Variants in PLXNA4 observed in about 807,000 individuals in gnomAD.
PLXNA4 encodes plexin-A4.
PLXNA4 carries 44 observed loss-of-function variants against 191.8 expected under a neutral mutation model. That is an observed-to-expected ratio of 0.23 (90% CI 0.18 to 0.29). PLXNA4 has a LOEUF of 0.29. PLXNA4 is among the 10% of genes least tolerant of loss of function. The pLI is 1.00. For synonymous variants in PLXNA4, 1,082 were observed against 1,009.5 expected (o/e 1.07, Z -1.36); for missense variants, 1,800 against 2,488.8 (o/e 0.72, Z 5.89).
At position 132,127,949 on chromosome 7, in the gene PLXNA4, T is replaced by TC. The variant is rs1794819179; in HGVS notation, c.*2529dup. 1 of 151,042 alleles carries TC rather than the reference T, an allele frequency of 6.6e-6. No individual in the cohort carries two copies. Among genetic ancestry groups the TC allele is most frequent in the Non-Finnish European group, 1.5e-5 (1 of 67,844 alleles). 9.4% of individuals were successfully genotyped at this position (151,042 alleles called of 1,614,324 possible). A position where few individuals can be genotyped will look rare whatever the true frequency, so the allele number is the denominator to read the frequency against. ...CAGCAGAACCGTGATAAGTCTTTTT[T>TC]CTTTTTTTTTTCTGCTTGTTTGATT... On this transcript the variant is annotated 3_prime_UTR_variant, in exon 32 of 32. Coordinates refer to ENST00000321063, the MANE Select transcript of PLXNA4 (RefSeq NM_020911.2).
chr7:132,227,507 T>A lies in PLXNA4; in HGVS notation c.1826A>T (p.Gln609Leu), dbSNP rs2116977473. 1 of 1,614,182 alleles carries A rather than the reference T, an allele frequency of 6.2e-7. No homozygotes were observed. The highest frequency in any genetic ancestry group is 8.5e-7 in the Non-Finnish European group (1 of 1,180,042). The part of the protein sequence containing the change: ...SEMDGLVVGN[Q>L]IQCYSPAAKE... ...GGCTGCAGGGGAGTAGCACTGGATC[T>A]GATTGCCCACGACCAGCCCATCCAT... The change falls in exon 7 of 32, where the codon CAG becomes CTG. Residue 609 changes from glutamine to leucine, a missense_variant. Gln to Leu is a moderately radical substitution (Grantham distance 113, BLOSUM62 -2). Coordinates refer to ENST00000321063, the MANE Select transcript of PLXNA4 (RefSeq NM_020911.2).
intron 25 of PLXNA4, among the ~76,000 whole-genome samples, chr7:132,151,298 A>AAGGAGGAGGAGGAGGAAGGAGG (rs1491294408): frequency 3.2e-5 from 1 of 31,636 alleles, no homozygotes; most frequent in African/African-American, 8.3e-5. Flanking sequence ...GAGGAAGAAG[A>AAGGAGGAGGAGGAGGAAGGAGG]AGGAGGAGGA....
intron 4 of PLXNA4, among the ~76,000 whole-genome samples, chr7:132,270,586 G>A (rs1316279697): frequency 1.3e-5 from 2 of 152,198 alleles, no homozygotes; most frequent in African/African-American, 4.8e-5. Context: ...GTGGGATAGA[G>A]GAATGAGAGC....
Position 132,165,318 on chromosome 7 carries a change from G to A in PLXNA4, c.4287-118C>T, listed in dbSNP as rs78208160. The A allele has an allele frequency of 4.0e-3, 5,596 of 1,404,534 alleles. 179 individuals are homozygous for A. The East Asian group carries it at 0.085, about 21-fold the overall frequency. 87.0% of individuals were successfully genotyped at this position (1,404,534 alleles called of 1,614,324 possible). Reference sequence around the variant, plus strand: ...GTGCATTGATCTTGCTGCTTCTAGCGTTTAGGCCAAACCTTGCGATCCTAA... The same window carrying A: ...GTGCATTGATCTTGCTGCTTCTAGCATTTAGGCCAAACCTTGCGATCCTAA... On this transcript the variant is annotated intron_variant, in intron 22 of 31. Transcript: ENST00000321063.
chr7:132,314,713 T>C (rs1395424143), intron 3 of PLXNA4, among the ~76,000 whole-genome samples: 3 of 152,244 alleles, frequency 2.0e-5, no homozygotes, highest in Non-Finnish European at 1.5e-5. Flanking sequence ...GTCCTGGGTC[T>C]GCACGCTGGA....
chr7:132,221,612 C>A (rs1056469354), intron 9 of PLXNA4, among the ~76,000 whole-genome samples: 3 of 152,180 alleles, frequency 2.0e-5, no homozygotes, highest in Non-Finnish European at 4.4e-5. Flanking sequence ...TCTGACTCAC[C>A]TCATTCTTAT....
intron 3 of PLXNA4, among the ~76,000 whole-genome samples, chr7:132,318,132 G>A (rs759416323): frequency 6.4e-4 from 98 of 152,274 alleles, no homozygotes; most frequent in Middle Eastern, 3.4e-3. Flanking sequence ...CAACAAGCAG[G>A]CCTGCAGGCA....
At chr7:132,142,105 CAA>C (rs1259173617) in intron 29 of PLXNA4, among the ~76,000 whole-genome samples, 1 of 152,196 alleles carries the variant, frequency 6.6e-6, no homozygotes, top group Non-Finnish European at 1.5e-5. Context: ...TCTGCATTAA[CAA>C]AGACAAAGAG....
At position 132,384,848 on chromosome 7, in the gene PLXNA4, A is replaced by G. The variant is rs901957232; in HGVS notation, c.1372-86626T>C. 6.0e-6 allele frequency: 7 copies of G among 1,165,528 alleles called. No individual in the cohort carries two copies. In the East Asian group the frequency reaches 2.6e-4, roughly 44 times the overall value. The allele number at this position is 1,165,528 out of a possible 1,614,324, so 72.2% of individuals were successfully genotyped here. A position where few individuals can be genotyped will look rare whatever the true frequency, so the allele number is the denominator to read the frequency against. On this transcript the variant is annotated intron_variant, in intron 3 of 31. Coordinates refer to ENST00000321063, the MANE Select transcript of PLXNA4 (RefSeq NM_020911.2). The stretch of plus-strand genomic sequence containing the variant: ...GATGAGCATAAGGTTATCCTACCAT[A>G]TATCAGGCCCAAGAGATAACTATAT...
chr7:132,314,436 G>A (rs1420854949), intron 3 of PLXNA4, among the ~76,000 whole-genome samples: 4 of 152,172 alleles, frequency 2.6e-5, no homozygotes, highest in Non-Finnish European at 4.4e-5. Context: ...GGGTCAGAGC[G>A]TTTAGTCGGC....
At chr7:132,249,587 G>A (rs984257363) in intron 4 of PLXNA4, among the ~76,000 whole-genome samples, 6 of 152,194 alleles carry the variant, frequency 3.9e-5, no homozygotes, top group Admixed American at 3.3e-4. Context: ...CTTGCCAAGC[G>A]GGAGAGCGAT....
chr7:132,312,785 C>G (rs1022433265), intron 3 of PLXNA4, among the ~76,000 whole-genome samples: 1 of 152,154 alleles, frequency 6.6e-6, no homozygotes, highest in African/African-American at 2.4e-5. Flanking sequence ...CTACCACAAT[C>G]AGTTGACGTG....
Position 132,176,583 on chromosome 7 carries a change from AGT to A in PLXNA4, c.3875-1665_3875-1664del, listed in dbSNP as rs1382242396. On this transcript the variant is annotated intron_variant, in intron 20 of 31. Coordinates refer to ENST00000321063, the MANE Select transcript of PLXNA4 (RefSeq NM_020911.2). Reference sequence around the variant, plus strand: ...ATGTCAGGGAGTGTGTGAGTATGACAGTGTGTGAGCATGTCAGGGAGTGTGTA... The same window carrying A: ...ATGTCAGGGAGTGTGTGAGTATGACAGTGTGAGCATGTCAGGGAGTGTGTA... Among the ~76,000 whole-genome samples, 7 of 146,944 alleles carry A rather than the reference AGT, an allele frequency of 4.8e-5. No homozygotes were observed. In the South Asian group the frequency reaches 1.4e-3, roughly 29 times the overall value.
intron 1 of PLXNA4, among the ~76,000 whole-genome samples, chr7:132,557,562 G>T (rs1043840357): frequency 1.4e-5 from 2 of 140,950 alleles, no homozygotes; most frequent in Non-Finnish European, 3.1e-5. Flanking sequence ...AAAAAAAAAA[G>T]TTTTCACCTT....
intron 1 of PLXNA4, among the ~76,000 whole-genome samples, chr7:132,549,283 G>C (rs1400739689): frequency 2.0e-5 from 3 of 152,086 alleles, no homozygotes; most frequent in African/African-American, 7.3e-5. Flanking sequence ...TCTGGATCAG[G>C]ATGCTTTTCT....
intron 2 of PLXNA4, among the ~76,000 whole-genome samples, chr7:132,614,335 T>C (rs1803109784): frequency 6.6e-6 from 1 of 152,238 alleles, no homozygotes; most frequent in South Asian, 2.1e-4. Context: ...ACTAGCCACA[T>C]TTCAAGTGCT....
At chr7:132,436,241 T>A (rs939158666) in intron 3 of PLXNA4, among the ~76,000 whole-genome samples, 1 of 152,208 alleles carries the variant, frequency 6.6e-6, no homozygotes, top group Non-Finnish European at 1.5e-5. Context: ...GCAAATCAGA[T>A]GACATATGAC....
intron 3 of PLXNA4, among the ~76,000 whole-genome samples, chr7:132,420,137 C>T (rs902553507): frequency 6.6e-6 from 1 of 152,208 alleles, no homozygotes; most frequent in East Asian, 1.9e-4. Context: ...TCTTCCACAC[C>T]TGCCCACGAG....
chr7:132,401,915 G>T lies in PLXNA4; in HGVS notation c.1371+87377C>A, dbSNP rs1036722124. ...TGGCATCTCTCAGATAAGCAAAAGAGGGGGAGGCTGGAGAGGCTTCAGAAT... is the reference window on the plus strand; with the variant it reads ...TGGCATCTCTCAGATAAGCAAAAGATGGGGAGGCTGGAGAGGCTTCAGAAT... On this transcript the variant is annotated intron_variant, in intron 3 of 31. Coordinates refer to ENST00000321063, the MANE Select transcript of PLXNA4 (RefSeq NM_020911.2). 4.6e-5 allele frequency among the ~76,000 whole-genome samples: 7 copies of T among 152,156 alleles called. No homozygotes were observed. The South Asian group carries it at 1.2e-3, about 27-fold the overall frequency.
Sources: gnomAD v4.1 joint callset for allele counts (sites outside exome capture counted in the v4.1 genomes callset) on GRCh38, gnomAD v4.1.1 for gene constraint, MANE v1.5 for transcripts, NCBI Gene and HGNC (gene_info 2026-07-23, HGNC 2026-07-21) for gene names.